The following NARS2 variants were observed in gnomAD, a reference collection of about 807,000 sequenced individuals.
NARS2 encodes asparaginyl-tRNA synthetase 2, mitochondrial, also known as asparaginyl-tRNA synthetase.
Under a neutral mutation model 62.9 loss-of-function variants are expected in NARS2, and 60 were observed. That is an observed-to-expected ratio of 0.95 (90% confidence interval 0.77 to 1.18). The LOEUF is 1.18. Ranked by LOEUF, NARS2 falls within the 50% of genes most tolerant of loss-of-function variation. NARS2 has a pLI of 0.00. For synonymous variants in NARS2, 196 were observed against 200.0 expected, an observed-to-expected ratio of 0.98 and a Z score of 0.17; for missense variants, 619 against 576.4, an observed-to-expected ratio of 1.07 and a Z score of -0.76.
chr11:78,518,566 A>G (rs7106931), intron 6 of NARS2, among the ~76,000 whole-genome samples: 118,674 of 151,804 alleles, frequency 0.78, 46,723 homozygotes, highest in Non-Finnish European at 0.82. Flanking sequence ...CACCCAGGCC[A>G]GAGTGCAGTG....
At chr11:78,521,154 TTCTC>T (rs56778985) in intron 6 of NARS2, among the ~76,000 whole-genome samples, 4,249 of 150,668 alleles carry the variant, frequency 0.028, 190 homozygotes, top group African/African-American at 0.097. Flanking sequence ...TGTTTTCTTA[TTCTC>T]TCTCTTTCTT....
intron 11 of NARS2, among the ~76,000 whole-genome samples, chr11:78,453,667 A>G (rs1858050716): frequency 6.6e-6 from 1 of 152,204 alleles, no homozygotes; most frequent in Admixed American, 6.5e-5. Flanking sequence ...GCAAGGTTAC[A>G]CACTAGTATC....
chr11:78,568,998 G>A (rs1013594473), intron 2 of NARS2, among the ~76,000 whole-genome samples: 2 of 152,110 alleles, frequency 1.3e-5, no homozygotes, highest in Non-Finnish European at 1.5e-5. Flanking sequence ...GAATTAAGAG[G>A]TTGTACAATT....
chr11:78,521,127 T>A (rs1174174226), intron 6 of NARS2, among the ~76,000 whole-genome samples: 1 of 150,738 alleles, frequency 6.6e-6, no homozygotes, highest in African/African-American at 2.4e-5. Context: ...AGATAAATTG[T>A]CAACATTATA....
chr11:78,537,597 G>C (rs531525792), intron 5 of NARS2, among the ~76,000 whole-genome samples: 5 of 152,294 alleles, frequency 3.3e-5, no homozygotes, highest in African/African-American at 1.2e-4. Flanking sequence ...AGCAGTTTGA[G>C]ACCAGCCCTG....
chr11:78,461,957 A>G (rs1337469079), intron 11 of NARS2, among the ~76,000 whole-genome samples: 3 of 152,196 alleles, frequency 2.0e-5, no homozygotes, highest in Non-Finnish European at 4.4e-5. Flanking sequence ...CGTCTTTTAA[A>G]AAAAAGAAAA....
chr11:78,443,546 C>A, intron 12 of NARS2, 115 bp downstream of exon 12: 2 of 568,270 alleles, frequency 3.5e-6, no homozygotes, highest in Non-Finnish European at 3.1e-6. Flanking sequence ...AATCTGAGAT[C>A]CAGTTCTGTC....
intron 9 of NARS2, among the ~76,000 whole-genome samples, chr11:78,471,985 TGAGA>T (rs1261255993): frequency 6.6e-6 from 1 of 152,172 alleles, no homozygotes; most frequent in African/African-American, 2.4e-5. Context: ...CCAATCACAC[TGAGA>T]AATATGAGAG....
In NARS2 at chr11:78,441,080, C is replaced by T. The variant is rs1319539089; in HGVS notation, c.1289+11G>A. 2 of 1,611,226 alleles carry T rather than the reference C, an allele frequency of 1.2e-6. No individual in the cohort carries two copies. Among genetic ancestry groups the T allele is most frequent in the Non-Finnish European group, 1.7e-6 (2 of 1,178,470 alleles). On this transcript the variant is annotated intron_variant, in intron 13 of 13. Transcript: ENST00000281038. ...AGCTAGAGTAAGAATTATTAGGGGC[C>T]ACATTCTTACCATTGGTAGACTTCT...
At chr11:78,480,699 G>T (rs1188658376) in intron 7 of NARS2, among the ~76,000 whole-genome samples, 1 of 151,814 alleles carries the variant, frequency 6.6e-6, no homozygotes, top group Admixed American at 6.6e-5. Context: ...TAATTTGGGG[G>T]GGGTGGGAAA....
chr11:78,536,217 AATG>A (rs1470471882), intron 5 of NARS2, among the ~76,000 whole-genome samples: 3 of 152,186 alleles, frequency 2.0e-5, no homozygotes, highest in Admixed American at 1.3e-4. Flanking sequence ...CCAGTCATAT[AATG>A]ATAATAAACA....
At position 78,569,203 on chromosome 11, in the gene NARS2, C is replaced by T. The variant is rs935112375; in HGVS notation, c.252-451G>A. Among the ~76,000 whole-genome samples, 5 of 152,260 alleles carry T rather than the reference C, an allele frequency of 3.3e-5. No homozygotes were observed. In the South Asian group the frequency reaches 6.2e-4, roughly 19 times the overall value. ...ACTTTCTAGTTAATAAGACTAGGTT[C>T]GAGTTCAAGTTCTCCCATAGATTAA... On this transcript the variant is annotated intron_variant, in intron 2 of 13. Transcript: ENST00000281038.
chr11:78,519,342 T>C (rs1020811089), intron 6 of NARS2, among the ~76,000 whole-genome samples: 6 of 152,168 alleles, frequency 3.9e-5, no homozygotes, highest in South Asian at 4.1e-4. Context: ...AAAGCCCAAG[T>C]TGATTGCCCC....
intron 6 of NARS2, among the ~76,000 whole-genome samples, chr11:78,522,289 T>C (rs915614643): frequency 6.6e-6 from 1 of 151,992 alleles, no homozygotes; most frequent in Non-Finnish European, 1.5e-5. Flanking sequence ...GATGGTAAAA[T>C]TGGTTGTGTA....
chr11:78,506,743 C>T (rs932051630), intron 6 of NARS2, among the ~76,000 whole-genome samples: 1 of 152,186 alleles, frequency 6.6e-6, no homozygotes, highest in Non-Finnish European at 1.5e-5. Context: ...ACCATGTTGG[C>T]AAGGCTGGTC....
intron 11 of NARS2, among the ~76,000 whole-genome samples, chr11:78,458,071 C>T (rs767486887): frequency 6.6e-6 from 1 of 151,894 alleles, no homozygotes; most frequent in Non-Finnish European, 1.5e-5. Context: ...AGGGTGAATA[C>T]GGTTAACTAC....
At chr11:78,445,112 T>C (rs1384158839) in intron 11 of NARS2, among the ~76,000 whole-genome samples, 1 of 152,230 alleles carries the variant, frequency 6.6e-6, no homozygotes, top group African/African-American at 2.4e-5. Context: ...GTGTTGCTAC[T>C]GTGATGAGAT....
At chr11:78,525,219 T>A (rs35878168) in intron 6 of NARS2, among the ~76,000 whole-genome samples, 9 of 152,074 alleles carry the variant, frequency 5.9e-5, no homozygotes, top group Admixed American at 5.9e-4. Context: ...GGTGAACGTA[T>A]GTCATCTGTC....
chr11:78,496,858 A>C (rs1374467256), intron 6 of NARS2, among the ~76,000 whole-genome samples: 1 of 152,056 alleles, frequency 6.6e-6, no homozygotes, highest in Non-Finnish European at 1.5e-5. Context: ...TTTTGCAATA[A>C]TTTTGTCTCT....
Sources: gnomAD v4.1 joint callset for allele counts (sites outside exome capture counted in the v4.1 genomes callset) on GRCh38, gnomAD v4.1.1 for gene constraint, MANE v1.5 for transcripts, NCBI Gene and HGNC (gene_info 2026-07-23, HGNC 2026-07-21) for gene names.